Variants in DNM3 observed in about 807,000 individuals in gnomAD.
DNM3 encodes the protein dynamin-3.
DNM3 carries 47 observed loss-of-function variants against 101.6 expected under a neutral mutation model. The ratio of observed to expected loss-of-function variants is 0.46; its 90% CI spans 0.37 to 0.59. The LOEUF (loss-of-function observed/expected upper bound fraction) is 0.59. DNM3 is among the 20% of genes least tolerant of loss of function. DNM3 has a pLI of 0.00. For missense variants in DNM3, 849 were observed against 1,085.7 expected, an observed-to-expected ratio of 0.78 and a Z score of 3.06; for synonymous variants, 385 against 387.9, an observed-to-expected ratio of 0.99 and a Z score of 0.09.
intron 13 of DNM3, among the ~76,000 whole-genome samples, chr1:172,126,463 CTGT>C (rs1187338035): frequency 1.3e-5 from 2 of 152,164 alleles, no homozygotes; most frequent in Non-Finnish European, 2.9e-5. Context: ...AAAATTTTAA[CTGT>C]TATTAGTAAA....
At chr1:172,354,500 T>C (rs2067353847) in intron 17 of DNM3, among the ~76,000 whole-genome samples, 1 of 152,184 alleles carries the variant, frequency 6.6e-6, no homozygotes, top group South Asian at 2.1e-4. Flanking sequence ...CCCCCTTATC[T>C]TCCTCCTGCT....
At chr1:172,359,152 A>ACACACACG (rs1207629210) in intron 17 of DNM3, among the ~76,000 whole-genome samples, 1 of 138,086 alleles carries the variant, frequency 7.2e-6, no homozygotes, top group Non-Finnish European at 1.7e-5. Context: ...ACACACACAC[A>ACACACACG]CACACACACA....
At chr1:172,078,811 A>G (rs1364384658) in intron 11 of DNM3, among the ~76,000 whole-genome samples, 1 of 152,202 alleles carries the variant, frequency 6.6e-6, no homozygotes, top group Non-Finnish European at 1.5e-5. Flanking sequence ...CTTGTAAGGC[A>G]GAACTGGTGG....
At chr1:172,190,544 G>A (rs1253274207) in intron 14 of DNM3, among the ~76,000 whole-genome samples, 2 of 152,042 alleles carry the variant, frequency 1.3e-5, no homozygotes, top group African/African-American at 4.8e-5. Context: ...AGGATGGCTG[G>A]GTCAAATGGT....
chr1:172,008,563 G>T lies in DNM3; in HGVS notation c.589+19415G>T, dbSNP rs141621659. Among the ~76,000 whole-genome samples, 447 of 143,978 alleles carry T rather than the reference G, an allele frequency of 3.1e-3. 3 individuals carry two copies. The highest frequency in any genetic ancestry group is 0.011 in the African/African-American group (403 of 38,276). 94.5% of individuals were successfully genotyped at this position (143,978 alleles called of 152,430 possible). A position where few individuals can be genotyped will look rare whatever the true frequency, so the allele number is the denominator to read the frequency against. On this transcript the variant is annotated intron_variant, in intron 4 of 20. Transcript: ENST00000627582. The stretch of plus-strand genomic sequence containing the variant: ...ATTTTGTTCCATTGGTCTAGTTTTA[G>T]CCTTAAATTTAGGTCTGCAATTTTT...
chr1:171,926,938 A>G (rs1044647503), intron 2 of DNM3, among the ~76,000 whole-genome samples: 1 of 152,212 alleles, frequency 6.6e-6, no homozygotes, highest in Non-Finnish European at 1.5e-5. Context: ...CATAGCTACC[A>G]TCATACTTAA....
intron 9 of DNM3, among the ~76,000 whole-genome samples, chr1:172,045,645 A>T (rs1377153264): frequency 2.6e-5 from 4 of 152,232 alleles, no homozygotes; most frequent in Admixed American, 2.6e-4. Flanking sequence ...ATTTTAAAGC[A>T]CATATTTATT....
intron 14 of DNM3, among the ~76,000 whole-genome samples, chr1:172,227,056 C>T (rs2061151390): frequency 6.6e-6 from 1 of 151,462 alleles, no homozygotes; most frequent in Non-Finnish European, 1.5e-5. Context: ...TCACTCCCCT[C>T]CCACTCTCCC....
At chr1:172,240,063 A>G (rs1280512320) in intron 14 of DNM3, among the ~76,000 whole-genome samples, 3 of 151,502 alleles carry the variant, frequency 2.0e-5, no homozygotes, top group African/African-American at 2.4e-5. Context: ...AGACTCCTGT[A>G]CTCCTTGGAA....
intron 14 of DNM3, among the ~76,000 whole-genome samples, chr1:172,203,394 T>A (rs1022621829): frequency 6.6e-6 from 1 of 151,998 alleles, no homozygotes; most frequent in Non-Finnish European, 1.5e-5. Flanking sequence ...CAAACCCGGG[T>A]CGCAGAGTGG....
chr1:172,314,008 G>A (rs2065197778), intron 16 of DNM3, among the ~76,000 whole-genome samples: 1 of 150,530 alleles, frequency 6.6e-6, no homozygotes, highest in African/African-American at 2.5e-5. Context: ...CACTGTTGGT[G>A]GGAGTGTAAA....
intron 11 of DNM3, among the ~76,000 whole-genome samples, chr1:172,080,205 T>C (rs1440663341): frequency 6.6e-6 from 1 of 152,190 alleles, no homozygotes; most frequent in Non-Finnish European, 1.5e-5. Context: ...CATTTAAGTC[T>C]GCTGAAGTTG....
At chr1:172,034,750 T>C (rs924429607) in intron 6 of DNM3, among the ~76,000 whole-genome samples, 24 of 152,192 alleles carry the variant, frequency 1.6e-4, no homozygotes, top group African/African-American at 5.3e-4. Context: ...ATATGGAAAA[T>C]GCTGGAAAAT....
chr1:172,001,147 A>C (rs897542222), intron 4 of DNM3, among the ~76,000 whole-genome samples: 7 of 152,086 alleles, frequency 4.6e-5, no homozygotes, highest in African/African-American at 1.2e-4. Context: ...GGAAAGGAAG[A>C]GGACATGGAG....
intron 13 of DNM3, among the ~76,000 whole-genome samples, chr1:172,123,537 A>G (rs751705276): frequency 1.3e-5 from 2 of 152,128 alleles, no homozygotes; most frequent in African/African-American, 2.4e-5. Flanking sequence ...CACTTTCCTG[A>G]ATTGAACTTG....
Position 172,035,737 on chromosome 1 carries a change from C to T in DNM3, c.849+2472C>T, listed in dbSNP as rs144734757. Among the ~76,000 whole-genome samples, 318 of 152,248 alleles carry T rather than the reference C, an allele frequency of 2.1e-3. 1 individual carries two copies. The highest frequency in any genetic ancestry group is 0.016 in the Admixed American group (239 of 15,268). On this transcript the variant is annotated intron_variant, in intron 6 of 20. Transcript: ENST00000627582. ...TTCTGTTAGATTTGGGTCCTTGTCT[C>T]TTGTGACGTTGCTGTCGGGAATGCT... is the stretch of plus-strand genomic sequence containing the variant.
chr1:172,127,121 A>C (rs2056672033), intron 13 of DNM3, among the ~76,000 whole-genome samples: 1 of 151,956 alleles, frequency 6.6e-6, no homozygotes, highest in South Asian at 2.1e-4. Flanking sequence ...CCTCCCTTCC[A>C]ACTTCATACT....
At chr1:172,097,268 C>T (rs777727857) in intron 13 of DNM3, among the ~76,000 whole-genome samples, 12 of 151,900 alleles carry the variant, frequency 7.9e-5, no homozygotes, top group Non-Finnish European at 1.5e-4. Flanking sequence ...GGCATGGTGG[C>T]GAGTGCCTGT....
intron 17 of DNM3, among the ~76,000 whole-genome samples, chr1:172,374,223 C>T (rs189688712): frequency 6.6e-6 from 1 of 152,024 alleles, no homozygotes; most frequent in Non-Finnish European, 1.5e-5. Context: ...CCTAAAACAG[C>T]CTTCAGGTCT....
Sources: gnomAD v4.1 joint callset for allele counts (sites outside exome capture counted in the v4.1 genomes callset) on GRCh38, gnomAD v4.1.1 for gene constraint, MANE v1.5 for transcripts, NCBI Gene and HGNC (gene_info 2026-07-23, HGNC 2026-07-21) for gene names.